Variants in FRMD6 observed in about 807,000 individuals in gnomAD.
FRMD6 encodes FERM domain-containing protein 6.
In FRMD6, 37 loss-of-function variants were observed where a neutral mutation model predicts 73.2. The observed-to-expected ratio is 0.51, with a 90% CI of 0.39 to 0.66. FRMD6 has a LOEUF of 0.66. Ranked by LOEUF, FRMD6 falls within the 30% of genes least tolerant of loss-of-function variation. FRMD6 has a pLI of 0.00. For missense variants in FRMD6, 714 were observed against 780.5 expected (o/e 0.91, Z 1.02); for synonymous variants, 273 against 282.2 (o/e 0.97, Z 0.33).
At chr14:51,719,170 G>T (rs34297067) in intron 10 of FRMD6, among the ~76,000 whole-genome samples, 1 of 152,256 alleles carries the variant, frequency 6.6e-6, no homozygotes, top group African/African-American at 2.4e-5. Flanking sequence ...TTTTGTGTCA[G>T]TTGAGTTGTA....
In FRMD6 at chr14:51,729,039, G is replaced by A. The variant is rs1300677830; in HGVS notation, c.*1010G>A. 1 of 152,130 alleles carries A rather than the reference G, an allele frequency of 6.6e-6. No homozygotes were observed. Among genetic ancestry groups the A allele is most frequent in the African/African-American group, 2.4e-5 (1 of 41,436 alleles). 9.4% of individuals were successfully genotyped at this position (152,130 alleles called of 1,614,324 possible). A position where few individuals can be genotyped will look rare whatever the true frequency, so the allele number is the denominator to read the frequency against. ...TGGAATTCCTTAAGATTGAGAATAT[G>A]TCACTGAGTGAATGATACCTGCAGA... On this transcript the variant is annotated 3_prime_UTR_variant, in exon 14 of 14. Coordinates refer to ENST00000344768, the MANE Select transcript of FRMD6 (RefSeq NM_001267046.2).
intron 2 of FRMD6, among the ~76,000 whole-genome samples, chr14:51,634,198 T>C (rs1182823568): frequency 1.3e-5 from 2 of 152,214 alleles, no homozygotes; most frequent in Admixed American, 1.3e-4. Flanking sequence ...CCTAAAATCA[T>C]GTGGCATACA....
chr14:51,702,261 G>A (rs865903280), intron 4 of FRMD6, among the ~76,000 whole-genome samples: 13 of 152,040 alleles, frequency 8.6e-5, no homozygotes, highest in African/African-American at 2.2e-4. Context: ...GTTGTCATTG[G>A]CATTACAGTG....
intron 7 of FRMD6, 96 bp downstream of exon 7, chr14:51,708,329 C>A (rs6572787): frequency 0.56 from 674,709 of 1,198,976 alleles, 191,538 homozygotes; most frequent in East Asian, 0.67. Flanking sequence ...TCCATTAAAA[C>A]TTATTTCATT....
chr14:51,669,337 G>A (rs1192535654), intron 1 of FRMD6, among the ~76,000 whole-genome samples: 1 of 152,128 alleles, frequency 6.6e-6, no homozygotes, highest in Non-Finnish European at 1.5e-5. Flanking sequence ...TATGAATGAA[G>A]TTACTATAAG....
At chr14:51,712,156 A>G (rs1366676853) in intron 8 of FRMD6, among the ~76,000 whole-genome samples, 5 of 152,202 alleles carry the variant, frequency 3.3e-5, no homozygotes, top group Non-Finnish European at 5.9e-5. Flanking sequence ...TCTTTGATGT[A>G]GGCAAAATAT....
At chr14:51,700,438 A>G (rs1896234893) in intron 3 of FRMD6, among the ~76,000 whole-genome samples, 1 of 152,020 alleles carries the variant, frequency 6.6e-6, no homozygotes, top group Non-Finnish European at 1.5e-5. Context: ...TGTTTTTCAT[A>G]AAATGTTTCT....
chr14:51,638,417 G>A (rs1891667131), intron 2 of FRMD6, among the ~76,000 whole-genome samples: 1 of 152,228 alleles, frequency 6.6e-6, no homozygotes. Context: ...GCCTCCAGAT[G>A]TGGGTGGTTC....
At chr14:51,442,421 T>G in the FRMD6 span, among the ~76,000 whole-genome samples, 1 of 152,144 alleles carries the variant, frequency 6.6e-6, no homozygotes, top group Non-Finnish European at 1.5e-5. Context: ...TGATGAATAA[T>G]TTTAGTAATT....
chr14:51,723,139 C>G lies in FRMD6; in HGVS notation c.1492+1059C>G, dbSNP rs139907017. Among the ~76,000 whole-genome samples the G allele has an allele frequency of 2.6e-5, 4 of 152,348 alleles. No individual in the cohort carries two copies. In the East Asian group the frequency reaches 5.8e-4, roughly 22 times the overall value. The stretch of plus-strand genomic sequence containing the variant: ...CCTAAACATGCTTAGAGTTCATATA[C>G]CAAACTTTGCCCCTTTTTGCCCATG... On this transcript the variant is annotated intron_variant, in intron 12 of 13. Coordinates refer to ENST00000344768, the MANE Select transcript of FRMD6 (RefSeq NM_001267046.2).
intron 2 of FRMD6, among the ~76,000 whole-genome samples, chr14:51,646,318 C>CAAA (rs34495089): frequency 1.0e-4 from 7 of 69,260 alleles, no homozygotes; most frequent in Admixed American, 4.0e-4. Context: ...ACTCCATATC[C>CAAA]AAAAAAAAAA....
At chr14:51,583,277 T>C (rs1389035837) in intron 2 of FRMD6, among the ~76,000 whole-genome samples, 1 of 152,216 alleles carries the variant, frequency 6.6e-6, no homozygotes, top group Non-Finnish European at 1.5e-5. Context: ...AAGGCCTCCC[T>C]TACTGTCTTC....
At chr14:51,651,238 A>C (rs45583835), upstream of FRMD6, 25,227 of 152,242 alleles carry the variant, frequency 0.17, 2,338 homozygotes, top group Non-Finnish European at 0.21. Flanking sequence ...GTAGAATTAG[A>C]GGGGGAGGCT....
intron 1 of FRMD6, among the ~76,000 whole-genome samples, chr14:51,511,988 C>T (rs145530936): frequency 6.6e-6 from 1 of 152,148 alleles, no homozygotes; most frequent in East Asian, 1.9e-4. Flanking sequence ...TGGACATTTT[C>T]TCTTTTGGTA....
intron 1 of FRMD6, among the ~76,000 whole-genome samples, chr14:51,684,138 T>G (rs1368956740): frequency 6.8e-6 from 1 of 147,552 alleles, no homozygotes; most frequent in Non-Finnish European, 1.5e-5. Flanking sequence ...TTTTGTTTTG[T>G]TTTTAAATAA....
intron 2 of FRMD6, among the ~76,000 whole-genome samples, chr14:51,619,794 G>A (rs1300303896): frequency 6.6e-6 from 1 of 152,074 alleles, no homozygotes; most frequent in Non-Finnish European, 1.5e-5. Flanking sequence ...CTCAACAGCT[G>A]GATTCCATAT....
the FRMD6 span, among the ~76,000 whole-genome samples, chr14:51,418,255 GC>G: frequency 6.6e-6 from 1 of 152,144 alleles, no homozygotes; most frequent in Admixed American, 6.5e-5. Context: ...AGAATTTTCA[GC>G]TTTTCTGCTC....
At chr14:51,484,178 T>C (rs138974807), upstream of FRMD6, among the ~76,000 whole-genome samples, 36 of 152,314 alleles carry the variant, frequency 2.4e-4, no homozygotes, top group African/African-American at 7.9e-4. Context: ...ATGTTCAAAA[T>C]TGTTGGAAAG....
chr14:51,682,342 T>C (rs1044269944), intron 1 of FRMD6, among the ~76,000 whole-genome samples: 1 of 152,110 alleles, frequency 6.6e-6, no homozygotes, highest in Admixed American at 6.6e-5. Context: ...GGAGAGAAAC[T>C]TTAAAACTTA....
Sources: allele counts gnomAD v4.1 joint callset (sites outside exome capture counted in the v4.1 genomes callset), GRCh38; gene constraint gnomAD v4.1.1; transcripts MANE v1.5; gene names NCBI Gene and HGNC (gene_info 2026-07-23, HGNC 2026-07-21).